KAT6A: variants seen among roughly 807,000 people sequenced by gnomAD.
KAT6A encodes lysine acetyltransferase 6A.
In KAT6A, 9 loss-of-function variants were observed where a neutral mutation model predicts 198.4. The observed-to-expected ratio is 0.05, with a 90% CI of 0.03 to 0.08. The LOEUF (loss-of-function observed/expected upper bound fraction) is 0.08. Ranked by LOEUF, KAT6A falls within the 10% of genes least tolerant of loss-of-function variation. The pLI is 1.00. For missense variants in KAT6A, 2,077 were observed against 2,509.9 expected (o/e 0.83, Z 3.69); for synonymous variants, 890 against 883.0 (o/e 1.01, Z -0.14).
chr8:41,985,477 C>T (rs1824557637), intron 3 of KAT6A, among the ~76,000 whole-genome samples: 1 of 152,126 alleles, frequency 6.6e-6, no homozygotes, highest in Non-Finnish European at 1.5e-5. Flanking sequence ...CAAAGATCAT[C>T]CTCCTCCTAG....
At chr8:42,018,737 AC>A (rs1427059007) in intron 2 of KAT6A, among the ~76,000 whole-genome samples, 1 of 152,136 alleles carries the variant, frequency 6.6e-6, no homozygotes, top group African/African-American at 2.4e-5. Flanking sequence ...CGCCTGGCCA[AC>A]ATGGTGAAAC....
At chr8:41,978,530 A>G (rs1824182116) in intron 6 of KAT6A, 112 bp downstream of exon 6, 2 of 1,057,012 alleles carry the variant, frequency 1.9e-6, no homozygotes, top group Middle Eastern at 2.1e-4. Flanking sequence ...TTATTATATA[A>G]AAGTGCCAGA....
intron 8 of KAT6A, among the ~76,000 whole-genome samples, chr8:41,960,190 C>T (rs1823132452): frequency 6.6e-6 from 1 of 152,082 alleles, no homozygotes; most frequent in African/African-American, 2.4e-5. Context: ...TACAGAGTTC[C>T]AGTTTTGCAA....
At chr8:42,036,175 A>G (rs899752759) in intron 2 of KAT6A, among the ~76,000 whole-genome samples, 2 of 152,084 alleles carry the variant, frequency 1.3e-5, no homozygotes, top group African/African-American at 2.4e-5. Context: ...TGAGAAAAAA[A>G]GGTGGGAAGA....
intron 15 of KAT6A, among the ~76,000 whole-genome samples, chr8:41,937,908 T>G (rs1587714905): frequency 6.6e-6 from 1 of 152,208 alleles, no homozygotes; most frequent in Non-Finnish European, 1.5e-5. Context: ...CCCTTAACTT[T>G]TCCAACTTAA....
Position 41,940,944 on chromosome 8 carries a change from A to G in KAT6A, c.2937T>C (p.Ala979=). The change falls in exon 15 of 17, where the codon GCT becomes GCC. Residue 979 remains alanine, a synonymous_variant. Coordinates refer to ENST00000265713, the MANE Select transcript of KAT6A (RefSeq NM_006766.5). The stretch of plus-strand genomic sequence containing the variant: ...TGCTCTCACTGAAGCCCCTGAGGAC[A>G]GCCCTGTCACCCTCACTGTAGCGAC... ...LPRRYSEGDR[A]VLRGFSESSE... is the part of the protein sequence containing the mutation. 1.9e-6 allele frequency: 3 copies of G among 1,614,148 alleles called. No individual in the cohort carries two copies. The highest frequency in any genetic ancestry group is 2.5e-6 in the Non-Finnish European group (3 of 1,180,020).
In KAT6A at chr8:41,934,498, T is replaced by G; in HGVS notation, c.3722A>C (p.Glu1241Ala). Residue 1241 changes from glutamate to alanine, a missense_variant, in exon 17 of 17, where the codon GAA becomes GCA. By Grantham distance (107) the Glu-to-Ala change is moderately radical (BLOSUM62 -1). This residue lies in a region of KAT6A where 375 missense variants were observed against 383.0 expected (regional missense o/e 0.98). Coordinates refer to ENST00000265713, the MANE Select transcript of KAT6A (RefSeq NM_006766.5). ...GACTTCACTGCTGGCTGCATCCTCT[T>G]CCTCACCCTCTTCAGCCTCTTCTGC... ...AEAEEAEEGE[E>A]EDAASSEVPA... is the part of the protein sequence containing the mutation. 6.2e-7 allele frequency: 1 copy of G among 1,612,548 alleles called. No homozygotes were observed. The highest frequency in any genetic ancestry group is 8.5e-7 in the Non-Finnish European group (1 of 1,179,188).
intron 1 of KAT6A, among the ~76,000 whole-genome samples, chr8:42,051,644 C>G (rs1215817972): frequency 2.8e-5 from 4 of 144,702 alleles, no homozygotes; most frequent in African/African-American, 9.9e-5. Flanking sequence ...CGGGGCCGGG[C>G]GGCGGCGCGC....
intron 9 of KAT6A, among the ~76,000 whole-genome samples, chr8:41,953,040 T>C (rs1822742813): frequency 6.6e-6 from 1 of 152,204 alleles, no homozygotes; most frequent in African/African-American, 2.4e-5. Flanking sequence ...TTTCTACTGG[T>C]TCCTATTATA....
chr8:41,994,959 C>T (rs1039774632), intron 2 of KAT6A, among the ~76,000 whole-genome samples: 2 of 151,680 alleles, frequency 1.3e-5, no homozygotes, highest in Non-Finnish European at 2.9e-5. Flanking sequence ...AAAAGGCTGA[C>T]GCAGGAGAAT....
In KAT6A at chr8:41,933,111, T is replaced by C; in HGVS notation, c.5109A>G (p.Ser1703=). 6.6e-7 allele frequency: 1 copy of C among 1,515,890 alleles called. No individual in the cohort carries two copies. Among genetic ancestry groups the C allele is most frequent in the Non-Finnish European group, 8.9e-7 (1 of 1,125,084 alleles). 93.9% of individuals were successfully genotyped at this position (1,515,890 alleles called of 1,614,324 possible). A position where few individuals can be genotyped will look rare whatever the true frequency, so the allele number is the denominator to read the frequency against. The change falls in exon 17 of 17, where the codon TCA becomes TCG. Residue 1703 remains serine, a synonymous_variant. Coordinates refer to ENST00000265713, the MANE Select transcript of KAT6A (RefSeq NM_006766.5). The surrounding 1 kb of genome is among the most constrained non-coding windows in gnomAD (Gnocchi z 6.2). The part of the protein sequence containing the change: ...PPPPQQQPPL[S]QCSMNNSFTP... ...TGAAACTGTTATTCATACTACACTG[T>C]GACAGCGGGGGCTGCTGCTGGGGAG... is the stretch of plus-strand genomic sequence containing the variant.
At chr8:42,046,392 C>T (rs1802296769) in intron 2 of KAT6A, among the ~76,000 whole-genome samples, 2 of 151,960 alleles carry the variant, frequency 1.3e-5, no homozygotes, top group Admixed American at 6.6e-5. Flanking sequence ...AAAAATTAGC[C>T]GGGCGTGGTG....
At chr8:41,946,974 G>T (rs1466313336) in intron 11 of KAT6A, among the ~76,000 whole-genome samples, 2 of 152,164 alleles carry the variant, frequency 1.3e-5, no homozygotes, top group Admixed American at 6.5e-5. Context: ...ATCAGCACCG[G>T]AATCTGAGTC....
chr8:41,997,416 T>C (rs1825272397), intron 2 of KAT6A, among the ~76,000 whole-genome samples: 2 of 152,016 alleles, frequency 1.3e-5, no homozygotes, highest in South Asian at 2.1e-4. Flanking sequence ...CCATCAAAAA[T>C]GGAAAAAAAA....
chr8:42,019,353 AT>A (rs1242353388), intron 2 of KAT6A, among the ~76,000 whole-genome samples: 1 of 152,036 alleles, frequency 6.6e-6, no homozygotes, highest in Admixed American at 6.6e-5. Context: ...ATATTGCTCA[AT>A]TTTAAGATTC....
Position 41,980,985 on chromosome 8 carries a change from G to A in KAT6A, c.826-58C>T, listed in dbSNP as rs11990460. ...ACCTTATGAAGCAGAAACATGTTAC[G>A]ATCATGACTGCATAAAACCTAGAAA... On this transcript the variant is annotated intron_variant, in intron 4 of 16. Coordinates refer to ENST00000265713, the MANE Select transcript of KAT6A (RefSeq NM_006766.5). 265,815 of 1,148,542 alleles carry A rather than the reference G, an allele frequency of 0.23. 35,065 individuals are homozygous for A. The highest frequency in any genetic ancestry group is 0.43 in the African/African-American group (28,390 of 66,342). 71.1% of individuals were successfully genotyped at this position (1,148,542 alleles called of 1,614,324 possible). A position where few individuals can be genotyped will look rare whatever the true frequency, so the allele number is the denominator to read the frequency against.
At position 42,010,068 on chromosome 8, in the gene KAT6A, G is replaced by T. The variant is rs994339399; in HGVS notation, c.601-22505C>A. On this transcript the variant is annotated intron_variant, in intron 2 of 16. Transcript: ENST00000265713. ...AATCGCAGCACTTTGGGAGGCCAAG[G>T]CAGAGGCAGATGGATCACTTGAGGT... is the stretch of plus-strand genomic sequence containing the variant. 2.0e-5 allele frequency among the ~76,000 whole-genome samples: 3 copies of T among 152,074 alleles called. No individual in the cohort carries two copies. The South Asian group carries it at 6.2e-4, about 32-fold the overall frequency.
chr8:42,030,068 T>C (rs1251521905), intron 2 of KAT6A, among the ~76,000 whole-genome samples: 1 of 152,124 alleles, frequency 6.6e-6, no homozygotes, highest in African/African-American at 2.4e-5. Context: ...ACTACGGATA[T>C]GGAGATTCAA....
At chr8:41,991,236 A>G (rs1222704743) in intron 2 of KAT6A, among the ~76,000 whole-genome samples, 1 of 152,210 alleles carries the variant, frequency 6.6e-6, no homozygotes, top group Non-Finnish European at 1.5e-5. Flanking sequence ...TTATTCAAAC[A>G]AAATTTACCC....
Sources: gnomAD v4.1 joint callset for allele counts (sites outside exome capture counted in the v4.1 genomes callset) on GRCh38, gnomAD v4.1.1 for gene constraint, gnomAD v4.1.1 regional missense constraint, Gnocchi (gnomAD v3.1) non-coding constraint, MANE v1.5 for transcripts, NCBI Gene and HGNC (gene_info 2026-07-23, HGNC 2026-07-21) for gene names.